Variants in NOP14 observed in about 807,000 individuals in gnomAD.
NOP14 encodes nucleolar protein 14.
In NOP14, 57 loss-of-function variants were observed where a neutral mutation model predicts 101.6. That is an observed-to-expected ratio of 0.56 (90% CI 0.45 to 0.70). The LOEUF (loss-of-function observed/expected upper bound fraction) is 0.70, where lower values mean the gene tolerates loss of function less well. Ranked by LOEUF, NOP14 falls within the 30% of genes least tolerant of loss-of-function variation. The pLI, the probability that NOP14 is intolerant of heterozygous loss-of-function variation, is 0.00. For synonymous variants in NOP14, 428 were observed against 424.0 expected (o/e 1.01, Z -0.12); for missense variants, 1,134 against 1,075.5 (o/e 1.05, Z -0.76).
At chr4:2,961,155 ATAT>A in intron 1 of NOP14, among the ~76,000 whole-genome samples, 1 of 85,996 alleles carries the variant, frequency 1.2e-5, no homozygotes, top group Middle Eastern at 0.017. Flanking sequence ...TAATATAATA[ATAT>A]ATTAATATGC....
At chr4:2,943,164 C>T (rs376267203) in intron 13 of NOP14, among the ~76,000 whole-genome samples, 55 of 152,352 alleles carry the variant, frequency 3.6e-4, no homozygotes, top group African/African-American at 1.3e-3. Flanking sequence ...AGACAGGAGC[C>T]TTGGGAGGCA....
chr4:2,960,350 G>C (rs533206344), intron 1 of NOP14, among the ~76,000 whole-genome samples: 1 of 151,894 alleles, frequency 6.6e-6, no homozygotes, highest in Non-Finnish European at 1.5e-5. Context: ...GGGGTAGATG[G>C]GGCAGGCATC....
At position 2,950,157 on chromosome 4, in the gene NOP14, A is replaced by G. The variant is rs1276898973; in HGVS notation, c.1059T>C (p.Ser353=). Residue 353 remains serine, a synonymous_variant, in exon 8 of 18, where the codon AGT becomes AGC. Coordinates refer to ENST00000416614, the MANE Select transcript of NOP14 (RefSeq NM_001291978.2). ...CTTCTTCCTCGTTGCTCTCAGGGTC[A>G]CTGGCTTCCTTGCTTTGCTCTTCCT... The part of the protein sequence containing the change: ...DVQEEQSKEA[S]DPESNEEEGD... 1 of 1,613,966 alleles carries G rather than the reference A, an allele frequency of 6.2e-7. No homozygotes were observed. Among genetic ancestry groups the G allele is most frequent in the Non-Finnish European group, 8.5e-7 (1 of 1,180,036 alleles).
chr4:2,949,627 C>A (rs1288690074), intron 8 of NOP14, among the ~76,000 whole-genome samples: 3 of 152,194 alleles, frequency 2.0e-5, no homozygotes, highest in Non-Finnish European at 1.5e-5. Flanking sequence ...CACCCACCTC[C>A]CCAGCCCTGC....
rs1713936704 is a variant in NOP14, at chr4:2,939,210, G to C, written c.2452C>G (p.Gln818Glu). ...RKDNQFLARMQLSEIMERDAE... is the reference protein window; with the variant it reads ...RKDNQFLARMELSEIMERDAE... ...CACCGTTCCATGATTTCTGAGAGTT[G>C]CATCCTCGCCAGGAACTGATTGTCC... The change falls in exon 17 of 18, where the codon CAA (glutamine) becomes GAA (glutamate). Residue 818 changes from glutamine to glutamate, a missense_variant. By Grantham distance (29) the Gln-to-Glu change is conservative. Transcript: ENST00000416614. 2 of 1,613,866 alleles carry C rather than the reference G, an allele frequency of 1.2e-6. No homozygotes were observed. Among genetic ancestry groups the C allele is most frequent in the Admixed American group, 3.3e-5 (2 of 60,014 alleles).
intron 2 of NOP14, among the ~76,000 whole-genome samples, chr4:2,957,292 G>A (rs530851414): frequency 2.1e-4 from 32 of 152,202 alleles, no homozygotes; most frequent in East Asian, 1.2e-3. Context: ...GAGCCACCGC[G>A]CCCGGCCTCA....
chr4:2,939,462 G>T, intron 16 of NOP14, 65 bp downstream of exon 16: 3 of 1,592,506 alleles, frequency 1.9e-6, no homozygotes, highest in Middle Eastern at 1.7e-4. Flanking sequence ...ACTGGCAGAC[G>T]CCCCCCGTCA....
chr4:2,940,017 C>T (rs904814971), intron 15 of NOP14, among the ~76,000 whole-genome samples: 1 of 152,248 alleles, frequency 6.6e-6, no homozygotes. Flanking sequence ...CACGAAAGGC[C>T]GTGAGCCACT....
intron 1 of NOP14, among the ~76,000 whole-genome samples, chr4:2,958,629 C>T (rs2109313781): frequency 6.6e-6 from 1 of 152,324 alleles, no homozygotes; most frequent in East Asian, 1.9e-4. Context: ...TGAAACCTCT[C>T]ATCTAACCCG....
At chr4:2,962,216 A>C (rs1270266317) in intron 1 of NOP14, among the ~76,000 whole-genome samples, 1 of 152,226 alleles carries the variant, frequency 6.6e-6, no homozygotes, top group Non-Finnish European at 1.5e-5. Flanking sequence ...AAATGAGAAA[A>C]CTGAGGCTTC....
intron 6 of NOP14, 71 bp from the exon 7 acceptor site, chr4:2,951,316 G>T: frequency 2.1e-6 from 3 of 1,452,220 alleles, no homozygotes. Flanking sequence ...GTGCAGTCCT[G>T]CCCTGGGCAG....
chr4:2,955,400 A>G (rs1260296713), intron 3 of NOP14, among the ~76,000 whole-genome samples: 1 of 105,572 alleles, frequency 9.5e-6, no homozygotes, highest in Non-Finnish European at 1.9e-5. Context: ...CCTGCACGCC[A>G]CGGCGCCCCC....
rs1215585490 is a variant in NOP14 at position 2,960,777 on chromosome 4, ATAT to A, written c.195+2345_195+2347del. On this transcript the variant is annotated intron_variant, in intron 1 of 17. Transcript: ENST00000416614. Reference sequence around the variant, plus strand: ...TAATCACATTAATATTAATATATTAATATTATAATCACATTAATATTAATATAT... The same window carrying A: ...TAATCACATTAATATTAATATATTAATATAATCACATTAATATTAATATAT... Among the ~76,000 whole-genome samples, 47 of 129,932 alleles carry A rather than the reference ATAT, an allele frequency of 3.6e-4. 1 individual carries two copies. Among genetic ancestry groups the A allele is most frequent in the East Asian group, 1.3e-3 (6 of 4,490 alleles). The allele number at this position is 129,932 out of a possible 152,430, so 85.2% of individuals were successfully genotyped here.
chr4:2,941,271 C>T (rs1317487627), intron 15 of NOP14: 3 of 364,696 alleles, frequency 8.2e-6, no homozygotes, highest in Non-Finnish European at 1.5e-5. Flanking sequence ...CGGCTCAGAG[C>T]TGACTGTCCA....
chr4:2,952,171 C>T (rs1715067242), intron 6 of NOP14, 104 bp downstream of exon 6: 6 of 1,105,964 alleles, frequency 5.4e-6, no homozygotes, highest in Non-Finnish European at 6.4e-6. Context: ...AAATATTCCA[C>T]TGATCAAACA....
At position 2,944,160 on chromosome 4, in the gene NOP14, C is replaced by T; in HGVS notation, c.1804G>A (p.Val602Met). The T allele has an allele frequency of 1.2e-6, 2 of 1,614,066 alleles. No individual in the cohort carries two copies. Among genetic ancestry groups the T allele is most frequent in the Non-Finnish European group, 1.7e-6 (2 of 1,179,958 alleles). ...GGTATAAACCTCTGGGACAAAGCCACATACTCCAGGAACAGGCAGCACACG... is the reference window on the plus strand; with the variant it reads ...GGTATAAACCTCTGGGACAAAGCCATATACTCCAGGAACAGGCAGCACACG... ...LFVCCLFLEY[V>M]ALSQRFIPEL... The change falls in exon 13 of 18, where the codon GTG becomes ATG. Residue 602 changes from valine to methionine, a missense_variant. Physicochemically the swap from Val to Met is conservative, Grantham distance 21. Transcript: ENST00000416614.
intron 7 of NOP14, chr4:2,950,778 C>T (rs886199018): frequency 3.2e-5 from 7 of 219,604 alleles, no homozygotes; most frequent in Non-Finnish European, 6.4e-5. Context: ...TTAGCTCCCT[C>T]AATAGTATGA....
At chr4:2,948,654 C>T (rs541273118) in intron 8 of NOP14, among the ~76,000 whole-genome samples, 1 of 152,116 alleles carries the variant, frequency 6.6e-6, no homozygotes, top group African/African-American at 2.4e-5. Flanking sequence ...AGGGCTTCAC[C>T]GTGTTGGCCA....
rs752922423 is a variant in NOP14, at chr4:2,939,188, C to T, written c.2474G>A (p.Arg825Gln). The change falls in exon 17 of 18, where the codon CGG (arginine) becomes CAG (glutamine). Residue 825 changes from arginine to glutamine, a missense_variant and splice_region_variant. Physicochemically the swap from Arg to Gln is conservative, Grantham distance 43. Transcript: ENST00000416614. ...ARMQLSEIME[R>Q]DAERKRKVKQ... Reference sequence around the variant, plus strand: ...TGTCGCACACACACGTCCCCCTCACCGTTCCATGATTTCTGAGAGTTGCAT... The same window carrying T: ...TGTCGCACACACACGTCCCCCTCACTGTTCCATGATTTCTGAGAGTTGCAT... 3.1e-6 allele frequency: 5 copies of T among 1,613,908 alleles called. No homozygotes were observed. The highest frequency in any genetic ancestry group is 1.1e-5 in the South Asian group (1 of 91,084).
Sources: allele counts gnomAD v4.1 joint callset (sites outside exome capture counted in the v4.1 genomes callset), GRCh38; gene constraint gnomAD v4.1.1; transcripts MANE v1.5; gene names NCBI Gene and HGNC (gene_info 2026-07-23, HGNC 2026-07-21).